Variants in EEF1G observed in about 807,000 individuals in gnomAD.
EEF1G encodes the protein elongation factor 1-gamma.
Under a neutral mutation model 58.3 loss-of-function variants are expected in EEF1G, and 14 were observed. The observed-to-expected ratio is 0.24, with a 90% confidence interval of 0.16 to 0.38. The LOEUF is 0.38. Among genes scored for constraint, EEF1G ranks in the 10% least tolerant of loss-of-function variants. The pLI is 1.00. For missense variants in EEF1G, 322 were observed against 550.1 expected, an observed-to-expected ratio of 0.59 and a Z score of 4.15; for synonymous variants, 180 against 206.8, an observed-to-expected ratio of 0.87 and a Z score of 1.11.
chr11:62,566,718 C>T (rs1265740978), intron 7 of EEF1G, 88 bp downstream of exon 7: 27 of 1,212,420 alleles, frequency 2.2e-5, no homozygotes, highest in Non-Finnish European at 3.1e-5. Context: ...ACCTAAAATT[C>T]TGGCTCTAGC....
intron 7 of EEF1G, among the ~76,000 whole-genome samples, chr11:62,565,727 T>C (rs1941547751): frequency 6.6e-6 from 1 of 152,136 alleles, no homozygotes; most frequent in Admixed American, 6.5e-5. Flanking sequence ...AAAAAATACA[T>C]CTTTAAAGAG....
chr11:62,573,490 C>T (rs1351687004), intron 1 of EEF1G: 3 of 446,552 alleles, frequency 6.7e-6, no homozygotes, highest in Non-Finnish European at 1.2e-5. Context: ...CAACCTGTCC[C>T]CTGTGTTACT....
rs1469870243 is a variant in EEF1G, at chr11:62,560,389, G to A, written c.923C>T (p.Pro308Leu). 6 of 1,609,004 alleles carry A rather than the reference G, an allele frequency of 3.7e-6. No homozygotes were observed. Among genetic ancestry groups the A allele is most frequent in the Non-Finnish European group, 5.1e-6 (6 of 1,177,578 alleles). Reference protein sequence around the residue: ...SNEDTLSVALPYFWEHFDKDG... With the variant: ...SNEDTLSVALLYFWEHFDKDG... ...CTTATCAAAGTGCTCCCAGAAATAT[G>A]GCAGTGCCACAGAGAGTGTGTCCTC... The change falls in exon 8 of 10, where the codon CCA becomes CTA. Residue 308 changes from proline (P) to leucine (L), a missense_variant. Transcript: ENST00000329251.
chr11:62,567,309 C>T (rs1941569094), intron 6 of EEF1G, 90 bp downstream of exon 6: 3 of 1,488,438 alleles, frequency 2.0e-6, no homozygotes, highest in African/African-American at 1.4e-5. Context: ...GTCCCCATAA[C>T]CCAAAAGCAA....
chr11:62,568,460 T>A (rs1345033933), intron 5 of EEF1G, among the ~76,000 whole-genome samples: 1 of 150,786 alleles, frequency 6.6e-6, no homozygotes, highest in Non-Finnish European at 1.5e-5. Context: ...TATCTTGAAC[T>A]CGCATGCTCA....
At chr11:62,560,026 C>T (rs1941477199) in intron 9 of EEF1G, 43 bp downstream of exon 9, 6 of 1,612,856 alleles carry the variant, frequency 3.7e-6, no homozygotes, top group Non-Finnish European at 5.1e-6. Context: ...TTCTTATATC[C>T]CTGCCCCACC....
intron 4 of EEF1G, 24 bp from the exon 5 acceptor site, chr11:62,571,132 T>C (rs368643665): frequency 6.2e-7 from 1 of 1,613,572 alleles, no homozygotes; most frequent in Non-Finnish European, 8.5e-7. Flanking sequence ...ATGATAAAAC[T>C]CATCAGTGGG....
At chr11:62,570,837 T>C (rs755150340) in intron 5 of EEF1G, 128 bp downstream of exon 5, 17 of 1,302,522 alleles carry the variant, frequency 1.3e-5, no homozygotes, top group Non-Finnish European at 1.8e-5. Context: ...ATTACAGGCA[T>C]GAGCCACTGC....
chr11:62,571,464 TTTTA>T, intron 4 of EEF1G, 72 bp downstream of exon 4: 3 of 1,493,642 alleles, frequency 2.0e-6, no homozygotes, highest in African/African-American at 1.4e-5. Flanking sequence ...TTTCAACCTA[TTTTA>T]TTTCTTACTC....
Position 62,564,973 on chromosome 11 carries a change from T to C in EEF1G, c.857+1833A>G, listed in dbSNP as rs536283272. Among the ~76,000 whole-genome samples, 13 of 151,478 alleles carry C rather than the reference T, an allele frequency of 8.6e-5. No homozygotes were observed. The South Asian group carries it at 1.2e-3, about 15-fold the overall frequency. ...TTGTAGTCCCAGCTACTCGGGAGGCTGAGGCAGGAGAATCGCTTGAACTGG... is the reference window on the plus strand; with the variant it reads ...TTGTAGTCCCAGCTACTCGGGAGGCCGAGGCAGGAGAATCGCTTGAACTGG... On this transcript the variant is annotated intron_variant, in intron 7 of 9. Transcript: ENST00000329251.
At chr11:62,570,902 C>A (rs970700434) in intron 5 of EEF1G, 63 bp downstream of exon 5, 2 of 1,606,760 alleles carry the variant, frequency 1.2e-6, no homozygotes, top group Non-Finnish European at 8.5e-7. Flanking sequence ...AACCTAGATA[C>A]CTCGTCACTT....
intron 7 of EEF1G, 31 bp from the exon 8 acceptor site, chr11:62,560,485 A>G: frequency 6.2e-7 from 1 of 1,600,090 alleles, no homozygotes; most frequent in East Asian, 2.2e-5. Flanking sequence ...GGGTCAATCA[A>G]TAAGGAGGAA....
At chr11:62,565,097 A>C (rs984349011) in intron 7 of EEF1G, among the ~76,000 whole-genome samples, 3 of 151,828 alleles carry the variant, frequency 2.0e-5, no homozygotes, top group African/African-American at 7.3e-5. Context: ...AAAAAAAAAC[A>C]AAAAACACAA....
Position 62,559,748 on chromosome 11 carries a change from C to T in EEF1G, c.1245G>A (p.Glu415=), listed in dbSNP as rs1484906139. The change falls in exon 10 of 10, where the codon GAG becomes GAA. Residue 415 remains glutamate (E), a synonymous_variant. Transcript: ENST00000329251. ...GGAAGGCCCCCTCCCAGGAAAAGTA[C>T]TCTCGAACCAGCGTCTGGGTCTCCT... ...GSEETQTLVR[E]YFSWEGAFQH... 48 of 1,613,998 alleles carry T rather than the reference C, an allele frequency of 3.0e-5. No homozygotes were observed. The highest frequency in any genetic ancestry group is 4.5e-5 in the East Asian group (2 of 44,884).
chr11:62,560,293 T>C lies in EEF1G; in HGVS notation c.1019A>G (p.Asn340Ser), dbSNP rs763784154. 13 of 1,613,384 alleles carry C rather than the reference T, an allele frequency of 8.1e-6. No homozygotes were observed. The highest frequency in any genetic ancestry group is 2.2e-5 in the East Asian group (1 of 44,882). Residue 340 changes from asparagine to serine, a missense_variant, in exon 8 of 10, where the codon AAT (asparagine) becomes AGT (serine). Physicochemically the swap from Asn to Ser is conservative, Grantham distance 46. Around this residue, in one of 3 missense-constraint regions of EEF1G, gnomAD observed 208 missense variants for 323.7 expected, o/e 0.64. Coordinates refer to ENST00000329251, the MANE Select transcript of EEF1G (RefSeq NM_001404.5). ...EELTQTFMSC[N>S]LITGMFQRLD... ...ACCCACTCTCTTACCAGTGATGAGATTGCAGCTCATGAAGGTCTGAGTGAG... is the reference window on the plus strand; with the variant it reads ...ACCCACTCTCTTACCAGTGATGAGACTGCAGCTCATGAAGGTCTGAGTGAG...
rs1393165481 is a variant in EEF1G, at chr11:62,560,459, G to A, written c.858-5C>T. On this transcript the variant is annotated splice_region_variant and splice_polypyrimidine_tract_variant and intron_variant, in intron 7 of 9. Coordinates refer to ENST00000329251, the MANE Select transcript of EEF1G (RefSeq NM_001404.5). ...AATTCATCCAACACAAAGGTACTAA[G>A]AGGAAGAAAGCACAGGGGTCAATCA... 6.2e-7 allele frequency: 1 copy of A among 1,609,242 alleles called. No individual in the cohort carries two copies. Among genetic ancestry groups the A allele is most frequent in the Admixed American group, 1.7e-5 (1 of 59,148 alleles).
chr11:62,569,982 C>T (rs932247659), intron 5 of EEF1G, among the ~76,000 whole-genome samples: 7 of 152,100 alleles, frequency 4.6e-5, no homozygotes, highest in Admixed American at 2.0e-4. Flanking sequence ...GGAATTCACC[C>T]GCATATAACC....
At chr11:62,571,476 C>G (rs1565262688) in intron 4 of EEF1G, 64 bp downstream of exon 4, 2 of 1,521,594 alleles carry the variant, frequency 1.3e-6, no homozygotes, top group Non-Finnish European at 1.8e-6. Flanking sequence ...TTATTTCTTA[C>G]TCCCAACACC....
intron 8 of EEF1G, 21 bp from the exon 9 acceptor site, chr11:62,560,214 A>C: frequency 6.2e-7 from 1 of 1,614,018 alleles, no homozygotes; most frequent in Non-Finnish European, 8.5e-7. Flanking sequence ...AAGGGAGAAC[A>C]TTCAGCCTTT....
Sources: allele counts gnomAD v4.1 joint callset (sites outside exome capture counted in the v4.1 genomes callset), GRCh38; gene constraint gnomAD v4.1.1; regional missense constraint gnomAD v4.1.1; transcripts MANE v1.5; gene names NCBI Gene and HGNC (gene_info 2026-07-23, HGNC 2026-07-21).